The following UNC5C variants were observed in gnomAD, a reference collection of about 807,000 sequenced individuals.
The protein encoded by UNC5C is netrin receptor UNC5C.
In UNC5C, 47 loss-of-function variants were observed where a neutral mutation model predicts 99.8. The ratio of observed to expected loss-of-function variants is 0.47; its 90% confidence interval spans 0.37 to 0.60. The LOEUF is 0.60. Ranked by LOEUF, UNC5C falls within the 20% of genes least tolerant of loss-of-function variation. The probability of loss-of-function intolerance (pLI) is 0.00; values close to 1 mark genes in which losing one functional copy is unlikely to be tolerated. For missense variants in UNC5C, 1,062 were observed against 1,165.9 expected, an observed-to-expected ratio of 0.91 and a Z score of 1.30; for synonymous variants, 487 against 452.2, an observed-to-expected ratio of 1.08 and a Z score of -0.98.
intron 1 of UNC5C, among the ~76,000 whole-genome samples, chr4:95,337,231 T>C (rs1274964802): frequency 2.0e-5 from 3 of 151,956 alleles, no homozygotes; most frequent in Non-Finnish European, 4.4e-5. Flanking sequence ...TCAACTAGAC[T>C]TTATTTTTTA....
At chr4:95,262,191 C>T (rs547373371) in intron 4 of UNC5C, among the ~76,000 whole-genome samples, 5 of 152,214 alleles carry the variant, frequency 3.3e-5, no homozygotes, top group East Asian at 3.9e-4. Context: ...AATAACTGGG[C>T]GACAAATCCT....
rs141046427 is a variant in UNC5C, at chr4:95,409,228, A to G, written c.125-73597T>C. The stretch of plus-strand genomic sequence containing the variant: ...TATTCTCATTCCAATGACAAAAAAG[A>G]CTCAAAGGAGGTAAATGACTTCTTT... On this transcript the variant is annotated intron_variant, in intron 1 of 15. Transcript: ENST00000453304. Among the ~76,000 whole-genome samples, 588 of 152,230 alleles carry G rather than the reference A, an allele frequency of 3.9e-3. 4 individuals carry two copies. The highest frequency in any genetic ancestry group is 7.2e-3 in the Admixed American group (110 of 15,284).
At chr4:95,328,040 CTTTTTTTT>C (rs34794058) in intron 2 of UNC5C, among the ~76,000 whole-genome samples, 4 of 87,092 alleles carry the variant, frequency 4.6e-5, no homozygotes, top group Admixed American at 3.1e-4. Context: ...CAGGCAACTT[CTTTTTTTT>C]TTTTTTTTTT....
chr4:95,300,777 T>C (rs1741837689), intron 3 of UNC5C, among the ~76,000 whole-genome samples: 1 of 152,024 alleles, frequency 6.6e-6, no homozygotes, highest in South Asian at 2.1e-4. Flanking sequence ...GAATAAAAGA[T>C]AGTTACTAGA....
intron 2 of UNC5C, among the ~76,000 whole-genome samples, chr4:95,320,119 A>C (rs1343071527): frequency 1.3e-5 from 2 of 152,168 alleles, no homozygotes. Context: ...ACTTTTAAAA[A>C]CATGTTTCTT....
At chr4:95,524,057 T>C (rs545517028) in intron 1 of UNC5C, among the ~76,000 whole-genome samples, 7 of 152,334 alleles carry the variant, frequency 4.6e-5, no homozygotes, top group Admixed American at 2.0e-4. Flanking sequence ...TGCATAGTGA[T>C]GATTCAATAC....
At chr4:95,351,025 G>A (rs1463193374) in intron 1 of UNC5C, among the ~76,000 whole-genome samples, 1 of 152,066 alleles carries the variant, frequency 6.6e-6, no homozygotes. Context: ...GAATAACTGG[G>A]GACTAGAGCC....
intron 1 of UNC5C, among the ~76,000 whole-genome samples, chr4:95,527,498 G>A (rs1367343501): frequency 6.6e-6 from 1 of 151,944 alleles, no homozygotes; most frequent in Non-Finnish European, 1.5e-5. Flanking sequence ...TTAAATATTG[G>A]AGTATTTCTC....
At chr4:95,302,720 G>A (rs1355984914) in intron 2 of UNC5C, among the ~76,000 whole-genome samples, 3 of 152,088 alleles carry the variant, frequency 2.0e-5, no homozygotes, top group Non-Finnish European at 4.4e-5. Flanking sequence ...TAAATATATT[G>A]TTTTGCACTA....
At chr4:95,431,569 A>G (rs1746636504) in intron 1 of UNC5C, among the ~76,000 whole-genome samples, 1 of 152,124 alleles carries the variant, frequency 6.6e-6, no homozygotes, top group Non-Finnish European at 1.5e-5. Context: ...AAAGTGGACT[A>G]TAGACTTTAC....
intron 1 of UNC5C, among the ~76,000 whole-genome samples, chr4:95,424,685 C>G (rs1746425051): frequency 6.6e-6 from 1 of 150,506 alleles, no homozygotes; most frequent in African/African-American, 2.4e-5. Context: ...CCACGCCCAG[C>G]TAATTTTTTT....
chr4:95,169,141 C>A lies in UNC5C; in HGVS notation c.*93G>T. ...AGTCTTGCCTGTGAAGTGCATTGGTCTCATCTGGATTTCCTCCTCAGCTGT... is the reference window on the plus strand; with the variant it reads ...AGTCTTGCCTGTGAAGTGCATTGGTATCATCTGGATTTCCTCCTCAGCTGT... On this transcript the variant is annotated 3_prime_UTR_variant, in exon 16 of 16. Coordinates refer to ENST00000453304, the MANE Select transcript of UNC5C (RefSeq NM_003728.4). The A allele has an allele frequency of 6.6e-7, 1 of 1,519,224 alleles. No homozygotes were observed. Among genetic ancestry groups the A allele is most frequent in the South Asian group, 1.2e-5 (1 of 80,506 alleles). The allele number at this position is 1,519,224 out of a possible 1,614,324, so 94.1% of individuals were successfully genotyped here.
intron 1 of UNC5C, among the ~76,000 whole-genome samples, chr4:95,343,073 G>A (rs1580419): frequency 0.16 from 23,925 of 152,040 alleles, 2,104 homozygotes; most frequent in Admixed American, 0.2. Context: ...CTCTGGATCC[G>A]CACAGGGCTG....
chr4:95,174,156 C>T (rs1736239295), intron 14 of UNC5C, among the ~76,000 whole-genome samples: 1 of 151,750 alleles, frequency 6.6e-6, no homozygotes, highest in Non-Finnish European at 1.5e-5. Context: ...GTCTTGCTAG[C>T]AGTCTATCAA....
intron 1 of UNC5C, among the ~76,000 whole-genome samples, chr4:95,465,597 A>T (rs1342432030): frequency 6.6e-6 from 1 of 152,066 alleles, no homozygotes; most frequent in Non-Finnish European, 1.5e-5. Flanking sequence ...TGGTTCTTTA[A>T]GGTAGATTTG....
intron 1 of UNC5C, among the ~76,000 whole-genome samples, chr4:95,386,074 T>C (rs1425603408): frequency 2.0e-5 from 3 of 152,134 alleles, no homozygotes; most frequent in Non-Finnish European, 2.9e-5. Context: ...CTTGACCCAC[T>C]TCTGACCAGC....
At chr4:95,531,774 C>G (rs897643586) in intron 1 of UNC5C, among the ~76,000 whole-genome samples, 7 of 152,218 alleles carry the variant, frequency 4.6e-5, no homozygotes, top group African/African-American at 1.7e-4. Context: ...TCCTTTCCCA[C>G]CACCTCACAC....
At chr4:95,470,792 C>T (rs527963290) in intron 1 of UNC5C, among the ~76,000 whole-genome samples, 158 of 152,150 alleles carry the variant, frequency 1.0e-3, no homozygotes, top group Non-Finnish European at 1.9e-3. Context: ...CCATTTCTCA[C>T]GAGCCTGAAT....
chr4:95,390,334 A>G (rs1228581784), intron 1 of UNC5C, among the ~76,000 whole-genome samples: 3 of 151,880 alleles, frequency 2.0e-5, no homozygotes, highest in Non-Finnish European at 4.4e-5. Flanking sequence ...TTCTAAACAG[A>G]GGAGGATGCA....
Sources: allele counts gnomAD v4.1 joint callset (sites outside exome capture counted in the v4.1 genomes callset), GRCh38; gene constraint gnomAD v4.1.1; transcripts MANE v1.5; gene names NCBI Gene and HGNC (gene_info 2026-07-23, HGNC 2026-07-21).